The following CDH12 variants were observed in gnomAD, a reference collection of about 807,000 sequenced individuals.
The protein encoded by CDH12 is cadherin 12, also known as cadherin-12.
Under a neutral mutation model 74.1 loss-of-function variants are expected in CDH12, and 41 were observed. The observed-to-expected ratio is 0.55, with a 90% CI of 0.43 to 0.72. The LOEUF (loss-of-function observed/expected upper bound fraction) is 0.72. CDH12 is among the 30% of genes least tolerant of loss of function. The pLI is 0.00. For missense variants in CDH12, 945 were observed against 977.2 expected (o/e 0.97, Z 0.44); for synonymous variants, 399 against 355.0 (o/e 1.12, Z -1.39).
intron 1 of CDH12, among the ~76,000 whole-genome samples, chr5:22,641,424 G>T (rs189278020): frequency 3.9e-5 from 6 of 152,106 alleles, no homozygotes; most frequent in Admixed American, 1.3e-4. Flanking sequence ...GGCCCCAAGT[G>T]GTTGATGGTG....
chr5:22,033,791 T>C (rs2150175907), intron 5 of CDH12, among the ~76,000 whole-genome samples: 1 of 152,232 alleles, frequency 6.6e-6, no homozygotes, highest in African/African-American at 2.4e-5. Context: ...ACCCTGTAAA[T>C]TTCCCACACA....
At chr5:22,213,025 T>C (rs940777156) in intron 3 of CDH12, among the ~76,000 whole-genome samples, 1 of 152,160 alleles carries the variant, frequency 6.6e-6, no homozygotes, top group African/African-American at 2.4e-5. Context: ...TCAAGGTGCC[T>C]TCGTGTAAGA....
intron 11 of CDH12, among the ~76,000 whole-genome samples, chr5:21,775,019 A>G (rs879837784): frequency 2.0e-5 from 3 of 152,188 alleles, no homozygotes; most frequent in Non-Finnish European, 2.9e-5. Flanking sequence ...ATTCACCATG[A>G]CTTGAAAGAG....
In CDH12 at chr5:21,998,253, T is replaced by C. The variant is rs551948503; in HGVS notation, c.232-22868A>G. Reference sequence around the variant, plus strand: ...CATGAACAATGAAAACTACTTTTGGTCATGTAGAAGAAACAGCAGTCAATA... The same window carrying C: ...CATGAACAATGAAAACTACTTTTGGCCATGTAGAAGAAACAGCAGTCAATA... On this transcript the variant is annotated intron_variant, in intron 5 of 14. Transcript: ENST00000382254. Among the ~76,000 whole-genome samples, 7 of 152,228 alleles carry C rather than the reference T, an allele frequency of 4.6e-5. No individual in the cohort carries two copies. The East Asian group carries it at 7.7e-4, about 17-fold the overall frequency.
intron 3 of CDH12, chr5:22,213,688 A>G (rs1355915234): frequency 2.0e-5 from 3 of 152,096 alleles, no homozygotes; most frequent in South Asian, 2.1e-4. Flanking sequence ...CAAAGCCCCA[A>G]ATGGTTAATT....
intron 4 of CDH12, among the ~76,000 whole-genome samples, chr5:22,091,990 G>C (rs1743463357): frequency 6.6e-6 from 1 of 151,460 alleles, no homozygotes; most frequent in Admixed American, 6.6e-5. Context: ...CAGGCCCATT[G>C]TATCTAATAC....
At chr5:21,825,579 A>T (rs912856302) in intron 8 of CDH12, among the ~76,000 whole-genome samples, 2 of 152,062 alleles carry the variant, frequency 1.3e-5, no homozygotes, top group African/African-American at 4.8e-5. Flanking sequence ...TTCCAACAGA[A>T]CTTTTCCAAG....
chr5:21,796,459 G>A (rs551201305), intron 10 of CDH12, among the ~76,000 whole-genome samples: 34 of 152,080 alleles, frequency 2.2e-4, no homozygotes, highest in African/African-American at 8.0e-4. Context: ...CCATTGCAAA[G>A]TGAAAACATT....
chr5:22,472,933 T>C (rs1179506727), intron 2 of CDH12, among the ~76,000 whole-genome samples: 1 of 152,148 alleles, frequency 6.6e-6, no homozygotes, highest in Non-Finnish European at 1.5e-5. Flanking sequence ...TCAATAACTT[T>C]CCATTTTACA....
chr5:22,424,249 C>T (rs1743797321), intron 2 of CDH12, among the ~76,000 whole-genome samples: 1 of 152,074 alleles, frequency 6.6e-6, no homozygotes, highest in Non-Finnish European at 1.5e-5. Context: ...GGGCTTGTGC[C>T]TATCCCTTAA....
chr5:21,798,717 T>G (rs114633517), intron 10 of CDH12, among the ~76,000 whole-genome samples: 1 of 151,710 alleles, frequency 6.6e-6, no homozygotes, highest in Non-Finnish European at 1.5e-5. Flanking sequence ...CATGACTTTC[T>G]GCTGAATAGA....
intron 6 of CDH12, among the ~76,000 whole-genome samples, chr5:21,865,730 T>A (rs1331803540): frequency 1.3e-5 from 2 of 152,146 alleles, no homozygotes; most frequent in Non-Finnish European, 2.9e-5. Context: ...AAGATCATGG[T>A]AGCTTTCACC....
chr5:22,619,188 G>A lies in CDH12; in HGVS notation c.-522-113824C>T, dbSNP rs145729974. Among the ~76,000 whole-genome samples the A allele has an allele frequency of 4.3e-4, 65 of 152,030 alleles. No homozygotes were observed. The Middle Eastern group carries it at 0.01, about 24-fold the overall frequency. The stretch of plus-strand genomic sequence containing the variant: ...TGAGGACTTTTGTTCATTTGTTTTG[G>A]TCCCTATATCTTTCCATACTATACT... On this transcript the variant is annotated intron_variant, in intron 1 of 14. Transcript: ENST00000382254.
In CDH12 at chr5:21,822,891, A is replaced by G. The variant is rs78250498; in HGVS notation, c.815-5759T>C. ...ATATTTCTTGTCTCTGAACAATGAG[A>G]AATTTATTCCTGTAAACTTTTTTCT... On this transcript the variant is annotated intron_variant, in intron 8 of 14. Coordinates refer to ENST00000382254, the MANE Select transcript of CDH12 (RefSeq NM_004061.5). Among the ~76,000 whole-genome samples the G allele has an allele frequency of 6.2e-3, 937 of 152,244 alleles. 11 individuals carry two copies. Among genetic ancestry groups the G allele is most frequent in the African/African-American group, 0.021 (872 of 41,542 alleles).
chr5:22,284,515 A>C (rs1737050845), intron 3 of CDH12, among the ~76,000 whole-genome samples: 2 of 152,168 alleles, frequency 1.3e-5, no homozygotes, highest in African/African-American at 4.8e-5. Context: ...TAGCTGAAGG[A>C]CACCATCAAT....
At chr5:22,555,341 G>A (rs961327866) in intron 1 of CDH12, among the ~76,000 whole-genome samples, 2 of 151,916 alleles carry the variant, frequency 1.3e-5, no homozygotes, top group South Asian at 2.1e-4. Flanking sequence ...CTTCCAAACT[G>A]AATCTTTCTT....
chr5:22,027,757 A>G (rs1417016118), intron 5 of CDH12, among the ~76,000 whole-genome samples: 1 of 152,090 alleles, frequency 6.6e-6, no homozygotes, highest in Non-Finnish European at 1.5e-5. Flanking sequence ...GATCCTTTCA[A>G]AAAACCAGCT....
chr5:22,793,058 C>G (rs1446517488), intron 1 of CDH12, among the ~76,000 whole-genome samples: 1 of 152,136 alleles, frequency 6.6e-6, no homozygotes, highest in Non-Finnish European at 1.5e-5. Context: ...GCCTGGCAAT[C>G]ACTTCTTCAA....
At chr5:22,471,994 C>T (rs1219303784) in intron 2 of CDH12, among the ~76,000 whole-genome samples, 2 of 152,094 alleles carry the variant, frequency 1.3e-5, no homozygotes, top group African/African-American at 4.8e-5. Context: ...GTAAGAAGGT[C>T]ACTGGGTAGA....
Sources: gnomAD v4.1 joint callset for allele counts (sites outside exome capture counted in the v4.1 genomes callset) on GRCh38, gnomAD v4.1.1 for gene constraint, MANE v1.5 for transcripts, NCBI Gene and HGNC (gene_info 2026-07-23, HGNC 2026-07-21) for gene names.